MGAT4C: variants seen among roughly 807,000 people sequenced by gnomAD.
The protein encoded by MGAT4C is MGAT4 family member C, also known as alpha-1,3-mannosyl-glycoprotein 4-beta-N-acetylglucosaminyltransferase C.
In MGAT4C, 19 loss-of-function variants were observed where a neutral mutation model predicts 40.1. That is an observed-to-expected ratio of 0.47 (90% CI 0.33 to 0.70). MGAT4C has a LOEUF of 0.70. Among genes scored for constraint, MGAT4C ranks in the 30% least tolerant of loss-of-function variants. The pLI, the probability that MGAT4C is intolerant of heterozygous loss-of-function variation, is 0.02. For missense variants in MGAT4C, 491 were observed against 563.2 expected (o/e 0.87, Z 1.30); for synonymous variants, 181 against 187.1 (o/e 0.97, Z 0.27).
At chr12:86,376,972 C>A (rs905120052) in intron 3 of MGAT4C, among the ~76,000 whole-genome samples, 7 of 151,238 alleles carry the variant, frequency 4.6e-5, no homozygotes, top group African/African-American at 1.7e-4. Context: ...TTCTCTTCAA[C>A]CTTCATTTTC....
At chr12:86,134,375 C>G (rs1197788492) in intron 1 of MGAT4C, among the ~76,000 whole-genome samples, 2 of 152,038 alleles carry the variant, frequency 1.3e-5, no homozygotes, top group African/African-American at 4.8e-5. Flanking sequence ...GTTCTTGTTT[C>G]TTGCAGAATC....
chr12:86,375,360 A>G (rs532755348), intron 3 of MGAT4C, among the ~76,000 whole-genome samples: 1 of 152,246 alleles, frequency 6.6e-6, no homozygotes, highest in Non-Finnish European at 1.5e-5. Flanking sequence ...AGGGAAAATC[A>G]TTTTCAGATC....
intron 2 of MGAT4C, among the ~76,000 whole-genome samples, chr12:86,012,781 C>CAACA (rs763608266): frequency 0.048 from 4,666 of 97,576 alleles, 140 homozygotes; most frequent in African/African-American, 0.099. Flanking sequence ...CAACAACAAC[C>CAACA]ACCACCACCA....
At chr12:86,200,127 GTTTTTTTTT>G (rs56844963) in intron 1 of MGAT4C, among the ~76,000 whole-genome samples, 20 of 102,360 alleles carry the variant, frequency 2.0e-4, no homozygotes, top group South Asian at 9.4e-4. Flanking sequence ...GTATGTATTT[GTTTTTTTTT>G]TTTTTTTTTT....
chr12:86,280,619 A>G (rs1468472246), intron 4 of MGAT4C, among the ~76,000 whole-genome samples: 1 of 150,788 alleles, frequency 6.6e-6, no homozygotes, highest in Non-Finnish European at 1.5e-5. Flanking sequence ...AGATTTGTTT[A>G]TTTATGTCTT....
chr12:86,370,045 T>C (rs779888201), intron 3 of MGAT4C, among the ~76,000 whole-genome samples: 5 of 152,006 alleles, frequency 3.3e-5, no homozygotes, highest in Admixed American at 6.6e-5. Flanking sequence ...AAAAGAGGCA[T>C]ATACCATATA....
chr12:86,802,576 C>T (rs1400212693), intron 1 of MGAT4C, among the ~76,000 whole-genome samples: 1 of 151,800 alleles, frequency 6.6e-6, no homozygotes, highest in South Asian at 2.1e-4. Context: ...TCTCAGGATA[C>T]AAAATCAGTG....
intron 4 of MGAT4C, among the ~76,000 whole-genome samples, chr12:86,333,495 G>T (rs1341500012): frequency 6.6e-6 from 1 of 152,088 alleles, no homozygotes. Flanking sequence ...AAAACAGCAG[G>T]CTATCAAAGA....
In MGAT4C at chr12:85,960,369, A is replaced by G. The variant is rs1429577302; in HGVS notation, c.*18920T>C. On this transcript the variant is annotated 3_prime_UTR_variant, in exon 5 of 5. Coordinates refer to ENST00000611864, the MANE Select transcript of MGAT4C (RefSeq NM_001351288.2). ...AAAATTGAGAGAAGACAGAATTTCA[A>G]GTCTGAATTATGACTTCACTACTGT... The G allele has an allele frequency of 6.6e-6, 1 of 152,052 alleles. No homozygotes were observed. Among genetic ancestry groups the G allele is most frequent in the African/African-American group, 2.4e-5 (1 of 41,442 alleles). 9.4% of individuals were successfully genotyped at this position (152,052 alleles called of 1,614,324 possible). A position where few individuals can be genotyped will look rare whatever the true frequency, so the allele number is the denominator to read the frequency against.
At chr12:86,527,915 A>T (rs1958913042) in intron 2 of MGAT4C, among the ~76,000 whole-genome samples, 1 of 152,190 alleles carries the variant, frequency 6.6e-6, no homozygotes. Flanking sequence ...GGTGGTTACA[A>T]GGCTGAAAGT....
In MGAT4C at chr12:86,447,195, G is replaced by A. The variant is rs12809465; in HGVS notation, c.-228-11930C>T. On this transcript the variant is annotated intron_variant, in intron 2 of 7. Coordinates refer to the MGAT4C transcript ENST00000548651. ...GGCTGGAGTGCAATGGTGCAATCTC[G>A]GCTCACCGCAACCTTTGCCTCCCAG... Among the ~76,000 whole-genome samples the A allele has an allele frequency of 5.6e-3, 852 of 152,088 alleles. 5 individuals are homozygous for A. Among genetic ancestry groups the A allele is most frequent in the Non-Finnish European group, 9.4e-3 (639 of 67,990 alleles).
At chr12:86,341,225 A>C (rs1954898736) in intron 3 of MGAT4C, among the ~76,000 whole-genome samples, 1 of 152,154 alleles carries the variant, frequency 6.6e-6, no homozygotes. Context: ...GGAAGCCATA[A>C]ATGAATGAGC....
intron 2 of MGAT4C, among the ~76,000 whole-genome samples, chr12:86,596,661 A>G (rs1251652929): frequency 6.6e-6 from 1 of 152,246 alleles, no homozygotes; most frequent in East Asian, 1.9e-4. Context: ...ATTGGCTGTA[A>G]GTCTTTTGGC....
intron 1 of MGAT4C, among the ~76,000 whole-genome samples, chr12:86,172,687 G>T (rs1414595496): frequency 1.3e-5 from 2 of 151,778 alleles, no homozygotes; most frequent in East Asian, 1.9e-4. Flanking sequence ...GTTTGCTAAG[G>T]GTATAAATTA....
intron 2 of MGAT4C, among the ~76,000 whole-genome samples, chr12:86,007,085 T>G (rs1887960426): frequency 1.3e-5 from 2 of 152,204 alleles, no homozygotes; most frequent in Admixed American, 6.5e-5. Context: ...AGTATCTTCC[T>G]CTGTTTATAT....
At position 86,804,978 on chromosome 12, in the gene MGAT4C, T is replaced by C. The variant is rs975452573; in HGVS notation, c.-262+33688A>G. Among the ~76,000 whole-genome samples the C allele has an allele frequency of 2.0e-5, 3 of 152,140 alleles. 1 individual carries two copies. The South Asian group carries it at 6.2e-4, about 31-fold the overall frequency. Reference sequence around the variant, plus strand: ...AACTTCACTTTTGCAGAAGTAAGATTACTGGAATTTATGGTATACACATTT... The same window carrying C: ...AACTTCACTTTTGCAGAAGTAAGATCACTGGAATTTATGGTATACACATTT... On this transcript the variant is annotated intron_variant, in intron 1 of 7. Coordinates refer to the MGAT4C transcript ENST00000548651.
At chr12:86,233,404 A>C (rs1951407030) in intron 1 of MGAT4C, among the ~76,000 whole-genome samples, 1 of 152,220 alleles carries the variant, frequency 6.6e-6, no homozygotes, top group Admixed American at 6.5e-5. Flanking sequence ...ATGACACATT[A>C]CATTATTCTT....
chr12:86,689,121 A>G (rs1214480685), intron 2 of MGAT4C, among the ~76,000 whole-genome samples: 1 of 151,940 alleles, frequency 6.6e-6, no homozygotes, highest in Non-Finnish European at 1.5e-5. Flanking sequence ...CCTTTATTTC[A>G]CTTGATCGAT....
chr12:86,607,926 A>T (rs759160532), intron 2 of MGAT4C, among the ~76,000 whole-genome samples: 133 of 152,186 alleles, frequency 8.7e-4, no homozygotes, highest in Admixed American at 2.0e-3. Context: ...TAGTTGATTG[A>T]TTGAGACAGG....
Sources: allele counts gnomAD v4.1 joint callset (sites outside exome capture counted in the v4.1 genomes callset), GRCh38; gene constraint gnomAD v4.1.1; transcripts MANE v1.5; gene names NCBI Gene and HGNC (gene_info 2026-07-23, HGNC 2026-07-21).